Variants in LDB3 observed in about 807,000 individuals in gnomAD.
LDB3 encodes LIM domain binding 3.
In LDB3, 49 loss-of-function variants were observed where a neutral mutation model predicts 69.0. That is an observed-to-expected ratio of 0.71 (90% CI 0.56 to 0.90). The LOEUF is 0.90. LDB3 is among the 40% of genes least tolerant of loss of function. LDB3 has a pLI of 0.00. For synonymous variants in LDB3, 387 were observed against 396.2 expected (o/e 0.98, Z 0.28); for missense variants, 928 against 974.1 (o/e 0.95, Z 0.63).
rs188335322 is a variant in LDB3, at chr10:86,708,917, C to T, written c.1086-988C>T. Among the ~76,000 whole-genome samples the T allele has an allele frequency of 7.0e-4, 106 of 152,244 alleles. 2 individuals are homozygous for T. Among genetic ancestry groups the T allele is most frequent in the African/African-American group, 2.5e-3 (102 of 41,550 alleles). On this transcript the variant is annotated intron_variant, in intron 8 of 13. Transcript: ENST00000361373. ...GCTCTGCCCAGCAGGGATCGGCAGG[C>T]CCCAGGTCCTTGAGGAACAGACAGA... is the stretch of plus-strand genomic sequence containing the variant.
At chr10:86,668,600 A>T in intron 1 of LDB3, 30 bp downstream of exon 1, 1 of 991,746 alleles carries the variant, frequency 1.0e-6, no homozygotes, top group Non-Finnish European at 1.6e-6. Context: ...GCAGGGGCAG[A>T]GGTGTGGACC....
At chr10:86,689,040 C>A (rs1050766396) in intron 5 of LDB3, among the ~76,000 whole-genome samples, 2 of 71,444 alleles carry the variant, frequency 2.8e-5, no homozygotes, top group African/African-American at 7.8e-5. Context: ...TGCTGTGGTG[C>A]CAGTGAGTAA....
chr10:86,679,794 CT>C (rs1845010775), intron 3 of LDB3, among the ~76,000 whole-genome samples: 1 of 152,236 alleles, frequency 6.6e-6, no homozygotes, highest in Non-Finnish European at 1.5e-5. Flanking sequence ...GAAGGCAGGT[CT>C]TACCTACTTC....
At chr10:86,711,626 G>C (rs1422289333) in intron 9 of LDB3, among the ~76,000 whole-genome samples, 2 of 151,748 alleles carry the variant, frequency 1.3e-5, no homozygotes, top group African/African-American at 4.8e-5. Context: ...GCCCGCGCGG[G>C]ACCCGGAGCG....
At chr10:86,724,038 C>T (rs150934866) in intron 12 of LDB3, among the ~76,000 whole-genome samples, 258 of 152,272 alleles carry the variant, frequency 1.7e-3, no homozygotes, top group Middle Eastern at 0.014. Context: ...AGGCTGGGCG[C>T]GGTGGCTCAT....
chr10:86,676,514 G>T (rs769310214), intron 2 of LDB3, among the ~76,000 whole-genome samples: 8 of 145,256 alleles, frequency 5.5e-5, no homozygotes, highest in South Asian at 2.2e-4. Flanking sequence ...GCAGTGAGCC[G>T]AGATGATGCC....
chr10:86,693,789 G>A (rs1845881510), intron 7 of LDB3, among the ~76,000 whole-genome samples: 1 of 152,230 alleles, frequency 6.6e-6, no homozygotes, highest in Non-Finnish European at 1.5e-5. Context: ...GTGCTCCGCT[G>A]TCCCTGCGTG....
chr10:86,718,055 G>T lies in LDB3; in HGVS notation c.1768G>T (p.Val590Leu). The T allele has an allele frequency of 6.2e-7, 1 of 1,614,190 alleles. No homozygotes were observed. The highest frequency in any genetic ancestry group is 8.5e-7 in the Non-Finnish European group (1 of 1,180,030). The change falls in exon 11 of 14, where the codon GTG becomes TTG. Residue 590 changes from valine to leucine, a missense_variant. By Grantham distance (32) the Val-to-Leu change is conservative (BLOSUM62 1). Transcript: ENST00000361373. ...CKTSLADVCF[V>L]EEQNNVYCER... ...GACTTCCCTGGCAGATGTGTGCTTT[G>T]TGGAAGAGCAGAACAACGTTTACTG...
intron 12 of LDB3, 54 bp downstream of exon 12, chr10:86,718,901 C>A: frequency 6.2e-7 from 1 of 1,610,692 alleles, no homozygotes; most frequent in East Asian, 2.2e-5. Context: ...GAGAAAGGGG[C>A]AGGCACAGGG....
chr10:86,674,079 C>T (rs923199975), intron 2 of LDB3, among the ~76,000 whole-genome samples: 1 of 152,166 alleles, frequency 6.6e-6, no homozygotes, highest in Non-Finnish European at 1.5e-5. Context: ...CAAGCTCCAC[C>T]CTCTGCCAGC....
rs1022914971 is a variant in LDB3, at chr10:86,717,800, C to T, written c.1677-164C>T. On this transcript the variant is annotated intron_variant, in intron 10 of 13. Transcript: ENST00000361373. ...TTATTGTAAGTGATGCAACAATGAA[C>T]ACCTTTCTGCATGGAGCTTTCTCTG... Among the ~76,000 whole-genome samples, 3 of 152,226 alleles carry T rather than the reference C, an allele frequency of 2.0e-5. No individual in the cohort carries two copies. In the East Asian group the frequency reaches 5.8e-4, roughly 29 times the overall value.
At chr10:86,689,704 T>C (rs543434717) in intron 5 of LDB3, among the ~76,000 whole-genome samples, 8 of 152,252 alleles carry the variant, frequency 5.3e-5, no homozygotes, top group South Asian at 2.1e-4. Context: ...AGAATCCTCA[T>C]GGGAAGTGTA....
intron 5 of LDB3, among the ~76,000 whole-genome samples, chr10:86,689,235 G>A (rs1483248096): frequency 2.0e-5 from 3 of 152,004 alleles, no homozygotes; most frequent in African/African-American, 4.8e-5. Context: ...GCGCACTCAC[G>A]GCTGGGTTTT....
intron 7 of LDB3, among the ~76,000 whole-genome samples, chr10:86,695,861 A>G (rs891644498): frequency 2.6e-5 from 4 of 152,186 alleles, no homozygotes; most frequent in African/African-American, 9.6e-5. Flanking sequence ...GCTGGGGGGA[A>G]CTATCCAGGA....
intron 13 of LDB3, among the ~76,000 whole-genome samples, chr10:86,726,901 G>A (rs565670238): frequency 6.6e-6 from 1 of 152,252 alleles, no homozygotes; most frequent in East Asian, 1.9e-4. Flanking sequence ...TTGGGTTGGG[G>A]TGGGCACATG....
chr10:86,680,584 C>G lies in LDB3; in HGVS notation c.321+427C>G, dbSNP rs984764133. On this transcript the variant is annotated intron_variant, in intron 4 of 13. Coordinates refer to ENST00000361373, the MANE Select transcript of LDB3 (RefSeq NM_007078.3). ...ACGAGGACCTCCAGGTGTGGAGGGG[C>G]CTGCTGGCCTCACCCAGATCTCTCC... Among the ~76,000 whole-genome samples, 10 of 152,170 alleles carry G rather than the reference C, an allele frequency of 6.6e-5. 1 individual carries two copies. Among genetic ancestry groups the G allele is most frequent in the African/African-American group, 1.9e-4 (8 of 41,442 alleles).
At chr10:86,688,085 A>C (rs55671246) in intron 5 of LDB3, among the ~76,000 whole-genome samples, 1 of 48,404 alleles carries the variant, frequency 2.1e-5, no homozygotes, top group African/African-American at 5.5e-5. Context: ...GTGTGTGTGT[A>C]TGTGTCTGTC....
chr10:86,683,264 A>C (rs991223905), intron 5 of LDB3, among the ~76,000 whole-genome samples: 6 of 152,170 alleles, frequency 3.9e-5, no homozygotes, highest in Admixed American at 1.3e-4. Context: ...TGGACCAGCT[A>C]ACAGTCCACA....
intron 12 of LDB3, among the ~76,000 whole-genome samples, chr10:86,722,292 G>A (rs1011178217): frequency 5.9e-5 from 9 of 152,126 alleles, no homozygotes; most frequent in East Asian, 1.9e-4. Context: ...ACGGAGTCTC[G>A]CTCTGTTGCC....
Sources: gnomAD v4.1 joint callset for allele counts (sites outside exome capture counted in the v4.1 genomes callset) on GRCh38, gnomAD v4.1.1 for gene constraint, MANE v1.5 for transcripts, NCBI Gene and HGNC (gene_info 2026-07-23, HGNC 2026-07-21) for gene names.